Variants in CEP128 observed in about 807,000 individuals in gnomAD.
CEP128 encodes the protein centrosomal protein 128.
Under a neutral mutation model 156.7 loss-of-function variants are expected in CEP128, and 132 were observed. That is an observed-to-expected ratio of 0.84 (90% CI 0.73 to 0.97). CEP128 has a LOEUF of 0.97. Ranked by LOEUF, CEP128 falls within the 50% of genes least tolerant of loss-of-function variation. The probability of loss-of-function intolerance (pLI) is 0.00; values close to 1 mark genes in which losing one functional copy is unlikely to be tolerated. For missense variants in CEP128, 1,252 were observed against 1,281.9 expected (o/e 0.98, Z 0.36); for synonymous variants, 469 against 448.9 (o/e 1.04, Z -0.57).
intron 13 of CEP128, among the ~76,000 whole-genome samples, chr14:80,815,365 A>T (rs1271700506): frequency 1.3e-5 from 2 of 152,260 alleles, no homozygotes; most frequent in Non-Finnish European, 2.9e-5. Context: ...CCACAATGAG[A>T]TATCACCTTA....
At chr14:80,594,100 C>T (rs753777749) in intron 19 of CEP128, among the ~76,000 whole-genome samples, 7 of 152,158 alleles carry the variant, frequency 4.6e-5, no homozygotes, top group Non-Finnish European at 7.3e-5. Context: ...ACCAAAACAA[C>T]GTGATACTGG....
chr14:80,622,193 G>A (rs915267400), intron 19 of CEP128, among the ~76,000 whole-genome samples: 2 of 152,126 alleles, frequency 1.3e-5, no homozygotes, highest in African/African-American at 4.8e-5. Flanking sequence ...ATGTACTGGA[G>A]TGTTTTTGTT....
chr14:80,923,685 AG>A (rs1450649487), intron 2 of CEP128, among the ~76,000 whole-genome samples: 5 of 152,168 alleles, frequency 3.3e-5, no homozygotes, highest in Non-Finnish European at 7.4e-5. Context: ...GTTGATACTT[AG>A]GGGGGTAAGG....
chr14:80,898,739 AT>A (rs1021386211), intron 7 of CEP128, among the ~76,000 whole-genome samples: 10 of 152,242 alleles, frequency 6.6e-5, no homozygotes, highest in African/African-American at 1.7e-4. Flanking sequence ...GTAAAAAAAA[AT>A]AATAACCTAA....
At chr14:80,547,861 C>T (rs1327230953) in intron 21 of CEP128, among the ~76,000 whole-genome samples, 11 of 150,314 alleles carry the variant, frequency 7.3e-5, no homozygotes, top group East Asian at 2.0e-4. Flanking sequence ...TGCAATGGCA[C>T]GATCTCAGCT....
chr14:80,748,202 C>T (rs752367333), intron 18 of CEP128, among the ~76,000 whole-genome samples: 2 of 152,162 alleles, frequency 1.3e-5, no homozygotes, highest in Non-Finnish European at 2.9e-5. Flanking sequence ...GGGCTGTGCA[C>T]TTCCAATTAT....
chr14:80,490,585 T>G (rs930914245), exon 7 of CEP128: 1 of 152,148 alleles, frequency 6.6e-6, no homozygotes, highest in Non-Finnish European at 1.5e-5. Context: ...ATGATCCTGA[T>G]GAATGGGCAG....
At chr14:80,562,713 T>C (rs940235982) in intron 20 of CEP128, among the ~76,000 whole-genome samples, 3 of 145,318 alleles carry the variant, frequency 2.1e-5, no homozygotes, top group Non-Finnish European at 3.0e-5. Flanking sequence ...CAGGCTAGAG[T>C]GCACTGTCAC....
At chr14:80,950,171 A>C (rs1173733400) in intron 2 of CEP128, among the ~76,000 whole-genome samples, 1 of 152,158 alleles carries the variant, frequency 6.6e-6, no homozygotes, top group Non-Finnish European at 1.5e-5. Context: ...TATAACCCAA[A>C]AGATGTCAAG....
At chr14:80,914,553 A>G in intron 3 of CEP128, 145 bp from the exon 4 acceptor site, 2 of 598,712 alleles carry the variant, frequency 3.3e-6, no homozygotes, top group South Asian at 2.0e-5. Context: ...TGTACTTCAC[A>G]CATATTAAGT....
chr14:80,639,557 G>T (rs954660801), intron 19 of CEP128, among the ~76,000 whole-genome samples: 1 of 152,074 alleles, frequency 6.6e-6, no homozygotes, highest in Non-Finnish European at 1.5e-5. Flanking sequence ...TATGTTTATT[G>T]TTGACATTTG....
chr14:80,575,602 T>C (rs772027190), intron 20 of CEP128, among the ~76,000 whole-genome samples: 2 of 152,180 alleles, frequency 1.3e-5, no homozygotes, highest in Non-Finnish European at 2.9e-5. Flanking sequence ...TTTATTGCTT[T>C]ATCCCTAAGC....
At chr14:80,650,758 G>A (rs1435098775) in intron 19 of CEP128, among the ~76,000 whole-genome samples, 1 of 152,134 alleles carries the variant, frequency 6.6e-6, no homozygotes, top group Non-Finnish European at 1.5e-5. Context: ...TTTCATCCCA[G>A]GGATGAAGCC....
intron 8 of CEP128, among the ~76,000 whole-genome samples, chr14:80,886,639 T>C (rs1888815768): frequency 6.6e-6 from 1 of 151,982 alleles, no homozygotes. Context: ...GCACTAAATA[T>C]GGAAAGGAAA....
intron 16 of CEP128, among the ~76,000 whole-genome samples, chr14:80,776,212 T>C (rs1439842726): frequency 6.6e-6 from 1 of 152,212 alleles, no homozygotes; most frequent in Non-Finnish European, 1.5e-5. Flanking sequence ...TAATGCAATC[T>C]TCTGGCTAAC....
chr14:80,800,686 A>AG (rs559812505), intron 13 of CEP128, among the ~76,000 whole-genome samples: 222 of 152,336 alleles, frequency 1.5e-3, no homozygotes, highest in African/African-American at 5.1e-3. Context: ...TGAGAAAAAA[A>AG]AATCACAGGA....
intron 24 of CEP128, among the ~76,000 whole-genome samples, chr14:80,498,429 C>T (rs1566740649): frequency 6.6e-6 from 1 of 152,186 alleles, no homozygotes; most frequent in South Asian, 2.1e-4. Flanking sequence ...CCTTAATGGT[C>T]GCCCAGTGAA....
chr14:80,940,312 C>T (rs979033939), intron 1 of CEP128, among the ~76,000 whole-genome samples: 2 of 152,146 alleles, frequency 1.3e-5, no homozygotes, highest in African/African-American at 4.8e-5. Context: ...ACAAAACAGC[C>T]ACCATCACCC....
intron 19 of CEP128, among the ~76,000 whole-genome samples, chr14:80,735,829 C>G (rs188921322): frequency 2.6e-3 from 391 of 152,244 alleles, no homozygotes; most frequent in Non-Finnish European, 4.2e-3. Context: ...CATGGTCCCC[C>G]TCTTCCATCT....
Sources: allele counts gnomAD v4.1 joint callset (sites outside exome capture counted in the v4.1 genomes callset), GRCh38; gene constraint gnomAD v4.1.1; transcripts MANE v1.5; gene names NCBI Gene and HGNC (gene_info 2026-07-23, HGNC 2026-07-21).